Variants in TXNDC12 observed in about 807,000 individuals in gnomAD.
TXNDC12 encodes thioredoxin domain containing 12.
A neutral mutation model predicts 24.2 loss-of-function variants in TXNDC12; 22 were observed. The observed-to-expected ratio is 0.91, with a 90% CI of 0.65 to 1.30. TXNDC12 has a LOEUF of 1.30. TXNDC12 is among the 50% of genes most tolerant of loss of function. TXNDC12 has a pLI of 0.00. For missense variants in TXNDC12, 184 were observed against 205.8 expected, an observed-to-expected ratio of 0.89 and a Z score of 0.65; for synonymous variants, 58 against 73.4, an observed-to-expected ratio of 0.79 and a Z score of 1.07.
intron 2 of TXNDC12, among the ~76,000 whole-genome samples, chr1:52,029,061 G>C (rs1685714656): frequency 6.6e-6 from 1 of 152,184 alleles, no homozygotes; most frequent in Non-Finnish European, 1.5e-5. Flanking sequence ...CTGGGAGGCA[G>C]AGGTTGCAGT....
chr1:52,033,010 T>C (rs1051216606), intron 2 of TXNDC12: 1 of 1,561,024 alleles, frequency 6.4e-7, no homozygotes, highest in African/African-American at 1.4e-5. Context: ...TGGGGCCCGG[T>C]TCTCAAACAG....
At chr1:52,051,443 T>C (rs1686200226) in intron 1 of TXNDC12, among the ~76,000 whole-genome samples, 1 of 152,210 alleles carries the variant, frequency 6.6e-6, no homozygotes, top group South Asian at 2.1e-4. Flanking sequence ...TGGCACTATC[T>C]TGGCTCACTG....
intron 4 of TXNDC12, among the ~76,000 whole-genome samples, chr1:52,026,853 T>A (rs181185799): frequency 1.3e-5 from 2 of 152,054 alleles, no homozygotes; most frequent in African/African-American, 4.8e-5. Flanking sequence ...CTGGCCAACA[T>A]GGCAAAACCC....
At chr1:52,034,995 C>T (rs1003474049) in intron 2 of TXNDC12, among the ~76,000 whole-genome samples, 6 of 152,114 alleles carry the variant, frequency 3.9e-5, no homozygotes, top group Admixed American at 6.6e-5. Context: ...AACTCCTGAC[C>T]CCAGGTGATC....
intron 1 of TXNDC12, 101 bp downstream of exon 1, chr1:52,054,899 A>G (rs907773059): frequency 6.8e-6 from 6 of 878,128 alleles, no homozygotes; most frequent in Non-Finnish European, 9.3e-6. Flanking sequence ...GGAGTGGCCT[A>G]AGAGTTAGAA....
At chr1:52,038,546 A>C (rs1357995403) in intron 2 of TXNDC12, among the ~76,000 whole-genome samples, 3 of 152,078 alleles carry the variant, frequency 2.0e-5, no homozygotes, top group Non-Finnish European at 4.4e-5. Flanking sequence ...TCTTGACCTC[A>C]AATGATCCAC....
rs768431662 is a variant in TXNDC12, at chr1:52,033,118, C to G, written c.159-4488G>C. On this transcript the variant is annotated intron_variant, in intron 2 of 6. Coordinates refer to ENST00000371626, the MANE Select transcript of TXNDC12 (RefSeq NM_015913.4). ...ATTCCGAGAATCGGGAGCCTCAAAG[C>G]GCAGCGTTAGGGCCTCCAGGAGTTC... The G allele has an allele frequency of 3.1e-6, 5 of 1,613,198 alleles. No individual in the cohort carries two copies. The highest frequency in any genetic ancestry group is 2.2e-5 in the East Asian group (1 of 44,896).
chr1:52,032,881 G>T, intron 2 of TXNDC12: 1 of 1,613,960 alleles, frequency 6.2e-7, no homozygotes, highest in Non-Finnish European at 8.5e-7. Flanking sequence ...CAAGTCCCCG[G>T]GGACAGCGCT....
intron 6 of TXNDC12, among the ~76,000 whole-genome samples, chr1:52,021,319 C>T (rs888472728): frequency 6.6e-6 from 1 of 152,098 alleles, no homozygotes; most frequent in Non-Finnish European, 1.5e-5. Flanking sequence ...TTGGCTTACC[C>T]TCTAGGATTA....
intron 2 of TXNDC12, chr1:52,033,615 G>A: frequency 6.2e-7 from 1 of 1,612,592 alleles, no homozygotes; most frequent in Non-Finnish European, 8.5e-7. Flanking sequence ...CAGAATCGCC[G>A]TACACCGCTG....
At chr1:52,051,440 A>C (rs1424808666) in intron 1 of TXNDC12, among the ~76,000 whole-genome samples, 2 of 152,138 alleles carry the variant, frequency 1.3e-5, no homozygotes, top group African/African-American at 4.8e-5. Flanking sequence ...CAGTGGCACT[A>C]TCTTGGCTCA....
At chr1:52,027,125 A>G in intron 4 of TXNDC12, 150 bp downstream of exon 4, 1 of 543,634 alleles carries the variant, frequency 1.8e-6, no homozygotes, top group South Asian at 2.5e-5. Flanking sequence ...AACATATCTG[A>G]TGCAAGCCTT....
intron 2 of TXNDC12, 51 bp from the exon 3 acceptor site, chr1:52,028,681 T>C (rs1160360145): frequency 1.5e-6 from 2 of 1,373,568 alleles, no homozygotes; most frequent in Admixed American, 1.8e-5. Context: ...CTTCTTGAAA[T>C]TTAATGATAA....
intron 2 of TXNDC12, chr1:52,032,602 C>A: frequency 6.7e-7 from 1 of 1,499,382 alleles, no homozygotes; most frequent in Admixed American, 2.5e-5. Flanking sequence ...TACAGTACTG[C>A]ATCGATATGC....
chr1:52,030,056 T>C (rs1254175723), intron 2 of TXNDC12, among the ~76,000 whole-genome samples: 1 of 151,782 alleles, frequency 6.6e-6, no homozygotes, highest in South Asian at 2.1e-4. Context: ...CTCAATAGAG[T>C]AAATATTTGG....
chr1:52,031,068 T>A (rs1216140252), intron 2 of TXNDC12, among the ~76,000 whole-genome samples: 3 of 151,580 alleles, frequency 2.0e-5, no homozygotes, highest in South Asian at 4.2e-4. Flanking sequence ...CAAAACCACC[T>A]CCCCCAACAG....
At chr1:52,026,209 T>C (rs1176884880) in intron 4 of TXNDC12, among the ~76,000 whole-genome samples, 2 of 152,140 alleles carry the variant, frequency 1.3e-5, no homozygotes, top group Non-Finnish European at 2.9e-5. Context: ...GTGAAAAGTA[T>C]GGCCTGAAAG....
intron 1 of TXNDC12, among the ~76,000 whole-genome samples, chr1:52,049,853 T>C (rs1427166234): frequency 6.6e-6 from 1 of 152,212 alleles, no homozygotes; most frequent in Non-Finnish European, 1.5e-5. Flanking sequence ...GCTTATTTTA[T>C]GTAATAATTA....
chr1:52,046,507 G>A (rs921520155), intron 1 of TXNDC12, among the ~76,000 whole-genome samples: 1 of 152,206 alleles, frequency 6.6e-6, no homozygotes, highest in African/African-American at 2.4e-5. Flanking sequence ...CATTTACAGT[G>A]AGGATGAAAG....
Sources: gnomAD v4.1 joint callset for allele counts (sites outside exome capture counted in the v4.1 genomes callset) on GRCh38, gnomAD v4.1.1 for gene constraint, MANE v1.5 for transcripts, NCBI Gene and HGNC (gene_info 2026-07-23, HGNC 2026-07-21) for gene names.